Variants in PTPN3 observed in about 807,000 individuals in gnomAD.
PTPN3 encodes protein tyrosine phosphatase non-receptor type 3.
Under a neutral mutation model 132.7 loss-of-function variants are expected in PTPN3, and 96 were observed. That is an observed-to-expected ratio of 0.72 (90% confidence interval 0.61 to 0.86). PTPN3 has a LOEUF of 0.86. PTPN3 is among the 40% of genes least tolerant of loss of function. The pLI, the probability that PTPN3 is intolerant of heterozygous loss-of-function variation, is 0.00. For missense variants in PTPN3, 1,125 were observed against 1,159.6 expected (o/e 0.97, Z 0.43); for synonymous variants, 398 against 429.0 (o/e 0.93, Z 0.89).
chr9:109,406,275 G>A (rs1841555222), intron 18 of PTPN3, among the ~76,000 whole-genome samples, 187 bp downstream of exon 18: 1 of 152,144 alleles, frequency 6.6e-6, no homozygotes, highest in Non-Finnish European at 1.5e-5. Flanking sequence ...CATGGGGACA[G>A]GCCTCCTGGG....
intron 4 of PTPN3, among the ~76,000 whole-genome samples, chr9:109,454,841 T>C (rs961891295): frequency 3.3e-5 from 5 of 152,230 alleles, no homozygotes; most frequent in African/African-American, 1.2e-4. Flanking sequence ...TGTTTAAACA[T>C]TGCACTCCGT....
intron 17 of PTPN3, among the ~76,000 whole-genome samples, chr9:109,407,406 T>A (rs1841655388): frequency 1.3e-5 from 2 of 152,076 alleles, no homozygotes; most frequent in African/African-American, 4.8e-5. Context: ...ATAGGTTAAC[T>A]ATGGAAAGTG....
At chr9:109,520,042 G>A in the PTPN3 span, among the ~76,000 whole-genome samples, 9 of 151,824 alleles carry the variant, frequency 5.9e-5, no homozygotes, top group Admixed American at 4.6e-4. Flanking sequence ...GCCTGTAGTC[G>A]CAGCTACTCA....
At chr9:109,410,147 T>C (rs1841962816) in intron 15 of PTPN3, 71 bp from the exon 16 acceptor site, 1 of 1,613,306 alleles carries the variant, frequency 6.2e-7, no homozygotes, top group South Asian at 1.1e-5. Context: ...GATATTTTCA[T>C]TTAGTTAGAG....
At position 109,427,020 on chromosome 9, in the gene PTPN3, T is replaced by C. The variant is rs778767083; in HGVS notation, c.931A>G (p.Lys311Glu). ...CVEHHTFFQA[K>E]KLLPQEKNVL... ...TTCTTTTCCTGAGGTAGTAGCTTCT[T>C]TGCCTGAAAGAACGTATGGTGCTCA... Residue 311 changes from lysine to glutamate, a missense_variant, in exon 12 of 26, where the codon AAG (lysine) becomes GAG (glutamate). Coordinates refer to ENST00000374541, the MANE Select transcript of PTPN3 (RefSeq NM_002829.4). 6.2e-7 allele frequency: 1 copy of C among 1,613,958 alleles called. No homozygotes were observed.
chr9:109,524,386 A>C, the PTPN3 span, among the ~76,000 whole-genome samples: 1 of 39,336 alleles, frequency 2.5e-5, no homozygotes, highest in Non-Finnish European at 4.7e-5. Flanking sequence ...TTCCCATCTC[A>C]CAGCTGGAGC....
chr9:109,474,485 G>A lies in PTPN3; in HGVS notation c.-17-11034C>T, dbSNP rs957240690. 3.9e-5 allele frequency among the ~76,000 whole-genome samples: 6 copies of A among 152,226 alleles called. No individual in the cohort carries two copies. The East Asian group carries it at 7.7e-4, about 20-fold the overall frequency. On this transcript the variant is annotated intron_variant, in intron 1 of 25. Coordinates refer to ENST00000374541, the MANE Select transcript of PTPN3 (RefSeq NM_002829.4). The stretch of plus-strand genomic sequence containing the variant: ...CAGGGTGCTGGAGGAACACAAGGAG[G>A]GCTCTGGATCCACCAGGGTGGGGTG...
At chr9:109,437,945 T>C (rs1026306102) in intron 8 of PTPN3, among the ~76,000 whole-genome samples, 169 bp downstream of exon 8, 2 of 152,202 alleles carry the variant, frequency 1.3e-5, no homozygotes, top group East Asian at 1.9e-4. Flanking sequence ...GAAATGCTAG[T>C]TATGCCAAAT....
intron 19 of PTPN3, among the ~76,000 whole-genome samples, chr9:109,398,193 G>C (rs1052266082): frequency 2.6e-5 from 4 of 152,150 alleles, no homozygotes; most frequent in Admixed American, 6.5e-5. Flanking sequence ...AGAATCACTT[G>C]AATCACTTGA....
chr9:109,462,129 C>T (rs1845871860), intron 2 of PTPN3, among the ~76,000 whole-genome samples: 1 of 152,198 alleles, frequency 6.6e-6, no homozygotes, highest in African/African-American at 2.4e-5. Flanking sequence ...GGGAAACATC[C>T]ATCTCTACTG....
At chr9:109,417,489 T>C (rs1842606391) in intron 14 of PTPN3, 1 of 767,584 alleles carries the variant, frequency 1.3e-6, no homozygotes, top group South Asian at 5.9e-5. Flanking sequence ...ATGTCAAATA[T>C]TTTGTAAACA....
chr9:109,426,031 A>G (rs1176000975), intron 12 of PTPN3, among the ~76,000 whole-genome samples: 4 of 150,344 alleles, frequency 2.7e-5, no homozygotes, highest in African/African-American at 4.9e-5. Context: ...AAAAAAAAAG[A>G]AAAGAAAGAA....
Position 109,439,251 on chromosome 9 carries a change from C to T in PTPN3, c.467-1017G>A, listed in dbSNP as rs182926786. ...ACCTGAGGACATCCATTTCCCTTCT[C>T]CACAAGTTTTCCCATTTGTCTAAAA... On this transcript the variant is annotated intron_variant, in intron 7 of 25. Coordinates refer to ENST00000374541, the MANE Select transcript of PTPN3 (RefSeq NM_002829.4). Among the ~76,000 whole-genome samples the T allele has an allele frequency of 1.1e-3, 172 of 152,184 alleles. 1 individual carries two copies. Among genetic ancestry groups the T allele is most frequent in the Non-Finnish European group, 1.9e-3 (131 of 68,014 alleles).
chr9:109,385,084 T>C (rs1022543936), intron 22 of PTPN3, among the ~76,000 whole-genome samples: 2 of 152,156 alleles, frequency 1.3e-5, no homozygotes, highest in African/African-American at 2.4e-5. Flanking sequence ...TCTGATGAGA[T>C]CAACCCATGC....
At chr9:109,488,615 A>T (rs1249238240) in intron 1 of PTPN3, among the ~76,000 whole-genome samples, 1 of 152,214 alleles carries the variant, frequency 6.6e-6, no homozygotes, top group Non-Finnish European at 1.5e-5. Flanking sequence ...CCCAGAAAAT[A>T]GCTCCATTAT....
At chr9:109,510,054 C>T in the PTPN3 span, among the ~76,000 whole-genome samples, 1 of 152,108 alleles carries the variant, frequency 6.6e-6, no homozygotes, top group African/African-American at 2.4e-5. Flanking sequence ...TTCTGCAAAG[C>T]CATATGGCAT....
the PTPN3 span, among the ~76,000 whole-genome samples, chr9:109,531,838 A>G: frequency 2.5e-5 from 3 of 122,430 alleles, no homozygotes; most frequent in African/African-American, 9.6e-5. Context: ...GACATTTGCC[A>G]AGTGATTGAC....
intron 22 of PTPN3, among the ~76,000 whole-genome samples, chr9:109,385,293 A>C (rs979141117): frequency 6.6e-6 from 1 of 152,224 alleles, no homozygotes; most frequent in Non-Finnish European, 1.5e-5. Flanking sequence ...AAATTCTACT[A>C]AACATATTTG....
chr9:109,530,814 A>G, the PTPN3 span, among the ~76,000 whole-genome samples: 3 of 152,226 alleles, frequency 2.0e-5, no homozygotes, highest in Admixed American at 6.5e-5. Flanking sequence ...TTTCCCAGTA[A>G]TTAGTAATGT....
Sources: allele counts gnomAD v4.1 joint callset (sites outside exome capture counted in the v4.1 genomes callset), GRCh38; gene constraint gnomAD v4.1.1; transcripts MANE v1.5; gene names NCBI Gene and HGNC (gene_info 2026-07-23, HGNC 2026-07-21).